Variants in P2RY12 observed in about 807,000 individuals in gnomAD.
P2RY12 encodes the protein P2Y purinoceptor 12.
In P2RY12, 3 loss-of-function variants were observed where a neutral mutation model predicts 4.5. The ratio of observed to expected loss-of-function variants is 0.67; its 90% CI spans 0.31 to 1.74. The LOEUF (loss-of-function observed/expected upper bound fraction) is 1.74, where lower values mean the gene tolerates loss of function less well. P2RY12 is among the 40% of genes most tolerant of loss of function. The pLI is 0.09. For synonymous variants in P2RY12, 148 were observed against 154.1 expected (o/e 0.96, Z 0.29); for missense variants, 356 against 407.8 (o/e 0.87, Z 1.09).
chr3:151,347,903 C>T (rs1297362107), intron 1 of P2RY12, among the ~76,000 whole-genome samples: 1 of 152,152 alleles, frequency 6.6e-6, no homozygotes, highest in African/African-American at 2.4e-5. Flanking sequence ...AACCAGTATG[C>T]AGTCACAGCT....
chr3:151,365,521 C>T (rs988108790), intron 1 of P2RY12, among the ~76,000 whole-genome samples: 7 of 152,026 alleles, frequency 4.6e-5, no homozygotes, highest in African/African-American at 1.4e-4. Context: ...GTATTTGGGT[C>T]CACCTAAATT....
chr3:151,367,470 T>G (rs1378050464), intron 1 of P2RY12, among the ~76,000 whole-genome samples: 2 of 152,250 alleles, frequency 1.3e-5, no homozygotes, highest in African/African-American at 4.8e-5. Flanking sequence ...TTCATTGTTT[T>G]ATAAAATAGA....
At chr3:151,371,427 G>T (rs1171205117) in intron 1 of P2RY12, among the ~76,000 whole-genome samples, 3 of 152,124 alleles carry the variant, frequency 2.0e-5, no homozygotes, top group Non-Finnish European at 2.9e-5. Context: ...AATCCTGTGG[G>T]TAAAGTGAAG....
intron 1 of P2RY12, chr3:151,360,519 T>C (rs778239972): frequency 2.5e-6 from 4 of 1,612,974 alleles, no homozygotes; most frequent in Non-Finnish European, 3.4e-6. Context: ...CAGAATGTTC[T>C]TCCCCTGAAA....
intron 1 of P2RY12, chr3:151,355,824 A>G: frequency 7.3e-7 from 1 of 1,377,686 alleles, no homozygotes; most frequent in Non-Finnish European, 9.8e-7. Context: ...CTTAAAAAGT[A>G]AAAATGATTT....
At chr3:151,359,405 A>G (rs890394645) in intron 1 of P2RY12, among the ~76,000 whole-genome samples, 2 of 152,106 alleles carry the variant, frequency 1.3e-5, no homozygotes, top group African/African-American at 4.8e-5. Context: ...TGTTGATGTC[A>G]TTTCACAGGG....
At chr3:151,376,755 C>T in intron 1 of P2RY12, 2 of 1,456,138 alleles carry the variant, frequency 1.4e-6, no homozygotes, top group South Asian at 2.3e-5. Context: ...TGTATTTTAA[C>T]ACATTTGATA....
chr3:151,361,461 G>A (rs1302561403), intron 1 of P2RY12, among the ~76,000 whole-genome samples: 1 of 151,944 alleles, frequency 6.6e-6, no homozygotes, highest in East Asian at 1.9e-4. Context: ...ATCATAAAAA[G>A]GTACTGTAAA....
rs769829011 is a variant in P2RY12, at chr3:151,372,690, G to A, written c.-180+12002C>T. The A allele has an allele frequency of 1.0e-4, 168 of 1,613,842 alleles. No individual in the cohort carries two copies. The highest frequency in any genetic ancestry group is 1.4e-4 in the Non-Finnish European group (165 of 1,179,880). ...ACTGCCTCACAAAATCCAAAATCCT[G>A]TGGGAAAAGCATTTCCATAGAAACT... On this transcript the variant is annotated intron_variant, in intron 1 of 2. Transcript: ENST00000302632.
In P2RY12 at chr3:151,338,878, G is replaced by C; in HGVS notation, c.-14-19C>G. The C allele has an allele frequency of 1.2e-6, 2 of 1,604,630 alleles. No individual in the cohort carries two copies. Among genetic ancestry groups the C allele is most frequent in the African/African-American group, 1.3e-5 (1 of 74,850 alleles). The stretch of plus-strand genomic sequence containing the variant: ...TGGTTACCTAGAGAACAAAAGAGAG[G>C]ATGGTTATTTTCAGCCTAAGGTAGT... On this transcript the variant is annotated intron_variant, in intron 2 of 2. Transcript: ENST00000302632.
Position 151,338,300 on chromosome 3 carries a change from G to T in P2RY12, c.546C>A (p.Phe182Leu), listed in dbSNP as rs16863320. ...TTACTATTTCATGCCAGACTAGACC[G>T]AACTCTGATTTAAGGAAAGAGCATT... is the stretch of plus-strand genomic sequence containing the variant. ...VKKCSFLKSE[F>L]GLVWHEIVNY... Residue 182 changes from phenylalanine to leucine, a missense_variant, in exon 3 of 3, where the codon TTC becomes TTA. Physicochemically the swap from Phe to Leu is conservative, Grantham distance 22 (BLOSUM62 0). Coordinates refer to ENST00000302632, the MANE Select transcript of P2RY12 (RefSeq NM_022788.5). The T allele has an allele frequency of 1.9e-6, 3 of 1,613,960 alleles. No individual in the cohort carries two copies. The South Asian group carries it at 3.3e-5, about 18-fold the overall frequency.
At chr3:151,371,127 C>A (rs1756131593) in intron 1 of P2RY12, among the ~76,000 whole-genome samples, 1 of 152,172 alleles carries the variant, frequency 6.6e-6, no homozygotes, top group African/African-American at 2.4e-5. Context: ...CTAGCAGGTA[C>A]TGTTTTTTCT....
At chr3:151,341,002 T>C (rs1241698570) in intron 1 of P2RY12, 2 of 152,324 alleles carry the variant, frequency 1.3e-5, no homozygotes, top group African/African-American at 2.4e-5. Context: ...CTTCGAGTTA[T>C]GGTTATTTTC....
chr3:151,344,305 T>TA (rs60921069), intron 1 of P2RY12, among the ~76,000 whole-genome samples: 81,267 of 150,840 alleles, frequency 0.54, 22,122 homozygotes, highest in African/African-American at 0.59. Context: ...TACTAATGAT[T>TA]AAAAAAAAAC....
At chr3:151,372,637 A>T (rs757652813) in intron 1 of P2RY12, 3 of 1,613,970 alleles carry the variant, frequency 1.9e-6, no homozygotes, top group Admixed American at 3.3e-5. Flanking sequence ...GAGGTTTGCG[A>T]TGTGATGGGA....
chr3:151,375,642 T>G (rs1048148626), intron 1 of P2RY12, among the ~76,000 whole-genome samples: 13 of 152,294 alleles, frequency 8.5e-5, no homozygotes, highest in Non-Finnish European at 1.6e-4. Flanking sequence ...GTCAGTGAGA[T>G]AGTACAATGT....
chr3:151,366,413 A>G (rs921212637), intron 1 of P2RY12, among the ~76,000 whole-genome samples: 4 of 152,218 alleles, frequency 2.6e-5, no homozygotes, highest in African/African-American at 9.6e-5. Flanking sequence ...GTATACAAAT[A>G]AAGGCTTTGT....
chr3:151,356,166 G>A (rs763882957), intron 1 of P2RY12: 63 of 901,534 alleles, frequency 7.0e-5, no homozygotes, highest in East Asian at 6.3e-4. Flanking sequence ...TTGGGAGGCC[G>A]AGGTAGGAGG....
At chr3:151,343,030 G>A (rs973647055) in intron 1 of P2RY12, among the ~76,000 whole-genome samples, 6 of 152,032 alleles carry the variant, frequency 3.9e-5, no homozygotes, top group Non-Finnish European at 8.8e-5. Context: ...ATCTGTATTT[G>A]TGTATTTCTG....
Sources: allele counts gnomAD v4.1 joint callset (sites outside exome capture counted in the v4.1 genomes callset), GRCh38; gene constraint gnomAD v4.1.1; transcripts MANE v1.5; gene names NCBI Gene and HGNC (gene_info 2026-07-23, HGNC 2026-07-21).